Variants in KLHL18 observed in about 807,000 individuals in gnomAD.
KLHL18 encodes kelch-like protein 18.
KLHL18 carries 38 observed loss-of-function variants against 58.5 expected under a neutral mutation model. The observed-to-expected ratio is 0.65, with a 90% CI of 0.50 to 0.85. The LOEUF is 0.85. KLHL18 is among the 40% of genes least tolerant of loss of function. The pLI is 0.00. For missense variants in KLHL18, 624 were observed against 778.4 expected, an observed-to-expected ratio of 0.80 and a Z score of 2.36; for synonymous variants, 303 against 301.9, an observed-to-expected ratio of 1.00 and a Z score of -0.04.
chr3:47,332,826 C>T (rs1703895682), intron 4 of KLHL18, among the ~76,000 whole-genome samples: 1 of 151,876 alleles, frequency 6.6e-6, no homozygotes, highest in East Asian at 1.9e-4. Context: ...CCAGCCTTGC[C>T]GGAGTACAGA....
intron 8 of KLHL18, 28 bp from the exon 9 acceptor site, chr3:47,342,691 C>T: frequency 6.3e-7 from 1 of 1,582,354 alleles, no homozygotes; most frequent in East Asian, 2.2e-5. Flanking sequence ...TCTCATGCTT[C>T]CCCTCCTATT....
chr3:47,340,646 C>T lies in KLHL18; in HGVS notation c.1196C>T (p.Ser399Phe), dbSNP rs762825206. The change falls in exon 8 of 10, where the codon TCC becomes TTC. Residue 399 changes from serine (S) to phenylalanine (F), a missense_variant. Ser to Phe is a radical substitution (Grantham distance 155, BLOSUM62 -2). Transcript: ENST00000232766. ...GGYDGNSSLS[S>F]VETYSPETDK... Reference sequence around the variant, plus strand: ...TACGATGGCAACTCTTCCCTCAGCTCCGTGGAGACCTACTCACCTGAGACG... The same window carrying T: ...TACGATGGCAACTCTTCCCTCAGCTTCGTGGAGACCTACTCACCTGAGACG... The T allele has an allele frequency of 1.1e-5, 18 of 1,613,964 alleles. No homozygotes were observed. The highest frequency in any genetic ancestry group is 1.4e-5 in the Non-Finnish European group (17 of 1,179,996).
chr3:47,286,030 A>G (rs1030995136), intron 1 of KLHL18, among the ~76,000 whole-genome samples: 1 of 147,802 alleles, frequency 6.8e-6, no homozygotes, highest in Non-Finnish European at 1.5e-5. Context: ...ACAGAGTAAG[A>G]CCCTGTCTCA....
chr3:47,339,499 A>G (rs187155790), intron 7 of KLHL18, among the ~76,000 whole-genome samples: 12 of 152,150 alleles, frequency 7.9e-5, no homozygotes, highest in Non-Finnish European at 1.5e-4. Context: ...TCAAAAAAAA[A>G]AAAAAAAAGA....
chr3:47,290,420 A>C (rs868430453), intron 1 of KLHL18, among the ~76,000 whole-genome samples: 79 of 151,614 alleles, frequency 5.2e-4, no homozygotes, highest in African/African-American at 1.8e-3. Flanking sequence ...GACATTTTTC[A>C]TGTAGTTAGG....
intron 1 of KLHL18, among the ~76,000 whole-genome samples, chr3:47,312,931 A>G (rs1389450918): frequency 1.7e-5 from 2 of 117,852 alleles, no homozygotes; most frequent in South Asian, 5.5e-4. Flanking sequence ...TTTTTTTGAG[A>G]TGGAGTCTCG....
chr3:47,307,124 T>A (rs1327950417), intron 1 of KLHL18, among the ~76,000 whole-genome samples: 1 of 152,186 alleles, frequency 6.6e-6, no homozygotes, highest in Non-Finnish European at 1.5e-5. Flanking sequence ...CAGGCTGGAG[T>A]GCAGTGGCAA....
chr3:47,321,522 G>C (rs1703588157), intron 2 of KLHL18, among the ~76,000 whole-genome samples: 1 of 151,974 alleles, frequency 6.6e-6, no homozygotes, highest in African/African-American at 2.4e-5. Flanking sequence ...GCTAATTTTT[G>C]TATTTTTAGT....
chr3:47,288,091 C>T (rs750629479), intron 1 of KLHL18, among the ~76,000 whole-genome samples: 3 of 151,746 alleles, frequency 2.0e-5, no homozygotes, highest in Non-Finnish European at 2.9e-5. Context: ...CATGCTGGCG[C>T]GGGCCTGTAG....
intron 1 of KLHL18, among the ~76,000 whole-genome samples, chr3:47,303,617 C>G (rs1206331057): frequency 2.0e-5 from 3 of 152,322 alleles, no homozygotes; most frequent in African/African-American, 7.2e-5. Flanking sequence ...TAGGCAAGCT[C>G]TCGTTCTGTC....
chr3:47,296,793 T>C (rs1702906093), intron 1 of KLHL18, among the ~76,000 whole-genome samples: 1 of 152,084 alleles, frequency 6.6e-6, no homozygotes. Context: ...AAGTAAGACA[T>C]AGAGGAGCAA....
At chr3:47,341,709 G>A (rs1046675700) in intron 8 of KLHL18, among the ~76,000 whole-genome samples, 4 of 152,068 alleles carry the variant, frequency 2.6e-5, no homozygotes, top group African/African-American at 9.7e-5. Context: ...GAGCAGGGTG[G>A]GTGGCATGTG....
intron 1 of KLHL18, among the ~76,000 whole-genome samples, chr3:47,295,583 TTTTC>T (rs1372020342): frequency 1.3e-5 from 2 of 152,142 alleles, no homozygotes; most frequent in Non-Finnish European, 2.9e-5. Flanking sequence ...CTCTTTTCTT[TTTTC>T]TTTCTTCAGG....
Position 47,344,030 on chromosome 3 carries a change from C to T in KLHL18, c.*89C>T. 6.6e-7 allele frequency: 1 copy of T among 1,517,470 alleles called. No homozygotes were observed. Among genetic ancestry groups the T allele is most frequent in the South Asian group, 1.2e-5 (1 of 83,530 alleles). 94.0% of individuals were successfully genotyped at this position (1,517,470 alleles called of 1,614,324 possible). ...CAGTCCCTCAGGAGAGGCAGTGGAC[C>T]AGAAGAGATGGCGAAACGTGAGCTC... On this transcript the variant is annotated 3_prime_UTR_variant, in exon 10 of 10. Coordinates refer to ENST00000232766, the MANE Select transcript of KLHL18 (RefSeq NM_025010.5).
chr3:47,341,915 AAAG>A (rs1258134056), intron 8 of KLHL18, among the ~76,000 whole-genome samples: 4 of 150,460 alleles, frequency 2.7e-5, no homozygotes, highest in East Asian at 3.9e-4. Flanking sequence ...AAAAAAAAAA[AAAG>A]GAGAGAGAGA....
intron 1 of KLHL18, among the ~76,000 whole-genome samples, chr3:47,312,262 G>A (rs746097933): frequency 6.6e-6 from 1 of 152,116 alleles, no homozygotes; most frequent in Non-Finnish European, 1.5e-5. Flanking sequence ...AGTGTTTTGT[G>A]TATACCATAG....
intron 3 of KLHL18, among the ~76,000 whole-genome samples, chr3:47,325,834 A>G (rs1163990401): frequency 6.8e-6 from 1 of 147,390 alleles, no homozygotes; most frequent in African/African-American, 2.5e-5. Context: ...CAGTTTCGTG[A>G]TCTCGGCTCA....
In KLHL18 at chr3:47,346,768, G is replaced by A. The variant is rs946899688; in HGVS notation, c.*2827G>A. The A allele has an allele frequency of 1.7e-4, 26 of 152,748 alleles. No individual in the cohort carries two copies. Among genetic ancestry groups the A allele is most frequent in the African/African-American group, 5.5e-4 (23 of 41,560 alleles). 9.5% of individuals were successfully genotyped at this position (152,748 alleles called of 1,614,324 possible). A position where few individuals can be genotyped will look rare whatever the true frequency, so the allele number is the denominator to read the frequency against. ...AGTTCCTTTTATTTATAGAATGCAT[G>A]TCTTTTGTGTTAAGAAACCAAAGAG... On this transcript the variant is annotated 3_prime_UTR_variant, in exon 10 of 10. Transcript: ENST00000232766.
chr3:47,289,405 T>C (rs1488096510), intron 1 of KLHL18, among the ~76,000 whole-genome samples: 1 of 152,230 alleles, frequency 6.6e-6, no homozygotes, highest in Non-Finnish European at 1.5e-5. Flanking sequence ...ACCCACTAAA[T>C]GTAGGCACAC....
Sources: gnomAD v4.1 joint callset for allele counts (sites outside exome capture counted in the v4.1 genomes callset) on GRCh38, gnomAD v4.1.1 for gene constraint, MANE v1.5 for transcripts, NCBI Gene and HGNC (gene_info 2026-07-23, HGNC 2026-07-21) for gene names.